CSMD3: variants seen among roughly 807,000 people sequenced by gnomAD.
CSMD3 encodes CUB and sushi domain-containing protein 3.
In CSMD3, 177 loss-of-function variants were observed where a neutral mutation model predicts 435.2. The ratio of observed to expected loss-of-function variants is 0.41; its 90% confidence interval spans 0.36 to 0.46. The LOEUF is 0.46. Ranked by LOEUF, CSMD3 falls within the 20% of genes least tolerant of loss-of-function variation. The pLI, the probability that CSMD3 is intolerant of heterozygous loss-of-function variation, is 0.34. For synonymous variants in CSMD3, 1,656 were observed against 1,520.5 expected (o/e 1.09, Z -2.07); for missense variants, 4,265 against 4,504.6 (o/e 0.95, Z 1.52).
At chr8:113,092,426 CT>C (rs2090036458) in intron 5 of CSMD3, among the ~76,000 whole-genome samples, 1 of 151,992 alleles carries the variant, frequency 6.6e-6, no homozygotes, top group Admixed American at 6.6e-5. Flanking sequence ...CCTCTAACAC[CT>C]TTTCTCCTTT....
At chr8:112,681,585 G>T (rs568819244) in intron 16 of CSMD3, among the ~76,000 whole-genome samples, 4 of 151,992 alleles carry the variant, frequency 2.6e-5, no homozygotes, top group African/African-American at 9.6e-5. Context: ...ACAAAAATAG[G>T]CCAAGAGCAG....
At chr8:113,236,505 G>GCT (rs777066564) in intron 3 of CSMD3, among the ~76,000 whole-genome samples, 17 of 151,932 alleles carry the variant, frequency 1.1e-4, no homozygotes, top group African/African-American at 1.4e-4. Flanking sequence ...ACTCTATAGT[G>GCT]CTCTCTGTCT....
intron 1 of CSMD3, among the ~76,000 whole-genome samples, chr8:113,385,434 T>G (rs78779842): frequency 0.01 from 1,525 of 152,228 alleles, 10 homozygotes; most frequent in Non-Finnish European, 0.016. Context: ...TGATGTAATG[T>G]GTCAAAGAAA....
chr8:112,362,163 T>C (rs976719720), intron 38 of CSMD3, among the ~76,000 whole-genome samples: 2 of 151,964 alleles, frequency 1.3e-5, no homozygotes, highest in Admixed American at 6.6e-5. Context: ...AACATGCAGA[T>C]ATTTTTCTGG....
intron 22 of CSMD3, among the ~76,000 whole-genome samples, chr8:112,603,712 T>A (rs1177965398): frequency 6.6e-6 from 1 of 152,146 alleles, no homozygotes; most frequent in East Asian, 1.9e-4. Context: ...AGTTTTTCTC[T>A]TTTTTTATGT....
intron 4 of CSMD3, among the ~76,000 whole-genome samples, chr8:113,163,303 C>T (rs996148875): frequency 1.1e-4 from 17 of 151,826 alleles, no homozygotes; most frequent in Admixed American, 7.9e-4. Context: ...GACCTCATCT[C>T]CGTTGTTTAG....
At chr8:112,535,392 G>T (rs537291862) in intron 27 of CSMD3, among the ~76,000 whole-genome samples, 8,121 of 151,842 alleles carry the variant, frequency 0.053, 260 homozygotes, top group African/African-American at 0.1. Context: ...CAAACAGAGA[G>T]CCAAATCATG....
rs543947525 is a variant in CSMD3 at position 112,726,574 on chromosome 8, T to C, written c.1973-36524A>G. ...ACCTAGTATTAAGCAGAGTGTTAGG[T>C]GCATAGTATACTCAGACCAGTGTTT... On this transcript the variant is annotated intron_variant, in intron 13 of 70. Coordinates refer to ENST00000297405, the MANE Select transcript of CSMD3 (RefSeq NM_198123.2). Among the ~76,000 whole-genome samples, 4 of 151,846 alleles carry C rather than the reference T, an allele frequency of 2.6e-5. No homozygotes were observed. The East Asian group carries it at 7.7e-4, about 29-fold the overall frequency.
At chr8:113,247,231 C>A (rs918961646) in intron 3 of CSMD3, among the ~76,000 whole-genome samples, 1 of 152,106 alleles carries the variant, frequency 6.6e-6, no homozygotes, top group East Asian at 1.9e-4. Context: ...GACAAATGCC[C>A]TGGAGATAAG....
intron 31 of CSMD3, among the ~76,000 whole-genome samples, chr8:112,484,214 C>A (rs529053468): frequency 6.6e-6 from 1 of 151,950 alleles, no homozygotes; most frequent in East Asian, 1.9e-4. Flanking sequence ...AGACTTTAAC[C>A]GAATTTTTTT....
chr8:112,286,927 G>A, intron 58 of CSMD3, 137 bp downstream of exon 58: 4 of 745,828 alleles, frequency 5.4e-6, no homozygotes, highest in Non-Finnish European at 9.4e-6. Context: ...ACAGTATAAT[G>A]GGAATACGAC....
At chr8:113,332,998 G>T (rs778504383) in intron 1 of CSMD3, among the ~76,000 whole-genome samples, 2 of 151,700 alleles carry the variant, frequency 1.3e-5, no homozygotes, top group African/African-American at 2.4e-5. Context: ...TGATTTGAGT[G>T]TGGGGGAGTC....
intron 10 of CSMD3, among the ~76,000 whole-genome samples, chr8:112,904,670 C>T (rs1399318227): frequency 6.6e-6 from 1 of 151,330 alleles, no homozygotes; most frequent in Non-Finnish European, 1.5e-5. Context: ...GATGCCACCT[C>T]GGTTCTGGAA....
chr8:112,330,256 GC>G (rs1823907277), intron 45 of CSMD3, among the ~76,000 whole-genome samples: 1 of 151,920 alleles, frequency 6.6e-6, no homozygotes, highest in Non-Finnish European at 1.5e-5. Context: ...CACATTACAG[GC>G]CTTTTAAATA....
At chr8:112,871,502 A>T (rs2081134198) in intron 10 of CSMD3, among the ~76,000 whole-genome samples, 1 of 152,168 alleles carries the variant, frequency 6.6e-6, no homozygotes. Flanking sequence ...GGAAATGGAA[A>T]AATAGGAAAA....
intron 4 of CSMD3, among the ~76,000 whole-genome samples, chr8:113,104,976 C>T (rs960951042): frequency 6.6e-6 from 1 of 151,994 alleles, no homozygotes; most frequent in Non-Finnish European, 1.5e-5. Context: ...ACAGTTAATG[C>T]ACTGAAGAAA....
At chr8:112,241,973 G>A (rs1046939151) in intron 65 of CSMD3, among the ~76,000 whole-genome samples, 188 bp from the exon 66 acceptor site, 3 of 151,834 alleles carry the variant, frequency 2.0e-5, no homozygotes, top group African/African-American at 7.3e-5. Flanking sequence ...CTCAGCACTC[G>A]TTATGCAACT....
At chr8:112,837,854 A>G (rs981063323) in intron 11 of CSMD3, among the ~76,000 whole-genome samples, 41 of 151,836 alleles carry the variant, frequency 2.7e-4, no homozygotes, top group African/African-American at 9.7e-4. Flanking sequence ...TGTGGAAATC[A>G]GAATGCATTA....
At chr8:112,866,719 A>G (rs2080995378) in intron 10 of CSMD3, among the ~76,000 whole-genome samples, 1 of 152,112 alleles carries the variant, frequency 6.6e-6, no homozygotes, top group African/African-American at 2.4e-5. Flanking sequence ...AGTGTCAGAG[A>G]CTAACTTGAT....
Sources: allele counts gnomAD v4.1 joint callset (sites outside exome capture counted in the v4.1 genomes callset), GRCh38; gene constraint gnomAD v4.1.1; transcripts MANE v1.5; gene names NCBI Gene and HGNC (gene_info 2026-07-23, HGNC 2026-07-21).